The following TRIM23 variants were observed in gnomAD, a reference collection of about 807,000 sequenced individuals.
TRIM23 encodes the protein E3 ubiquitin-protein ligase TRIM23.
In TRIM23, 27 loss-of-function variants were observed where a neutral mutation model predicts 71.0. The observed-to-expected ratio is 0.38, with a 90% confidence interval of 0.28 to 0.52. TRIM23 has a LOEUF of 0.52. Ranked by LOEUF, TRIM23 falls within the 20% of genes least tolerant of loss-of-function variation. TRIM23 has a pLI of 0.84. For synonymous variants in TRIM23, 234 were observed against 238.0 expected (o/e 0.98, Z 0.16); for missense variants, 482 against 692.3 (o/e 0.70, Z 3.41).
chr5:65,604,980 C>T lies in TRIM23; in HGVS notation c.1110G>A (p.Gln370=). The T allele has an allele frequency of 6.2e-7, 1 of 1,613,994 alleles. No homozygotes were observed. Among genetic ancestry groups the T allele is most frequent in the Non-Finnish European group, 8.5e-7 (1 of 1,179,944 alleles). ...CTGCAACTTCTGTAAACTGCTGCTG[C>T]TGTTTCTGCAATGTTTCCAGTAACC... is the stretch of plus-strand genomic sequence containing the variant. The part of the protein sequence containing the change: ...ITRLLETLQK[Q]QQQFTEVADH... Residue 370 remains glutamine, a synonymous_variant, in exon 7 of 11, where the codon CAG becomes CAA. Transcript: ENST00000231524.
At chr5:65,593,736 T>C (rs1754107552) in intron 10 of TRIM23, among the ~76,000 whole-genome samples, 1 of 152,120 alleles carries the variant, frequency 6.6e-6, no homozygotes, top group Non-Finnish European at 1.5e-5. Context: ...TCCTTCATCC[T>C]CCCCATTCAG....
chr5:65,607,755 A>C (rs898579213), intron 6 of TRIM23, among the ~76,000 whole-genome samples: 1 of 152,246 alleles, frequency 6.6e-6, no homozygotes, highest in Non-Finnish European at 1.5e-5. Flanking sequence ...AATACTTTTA[A>C]GTGTTCAAGT....
At chr5:65,596,559 A>G (rs1754211353) in intron 8 of TRIM23, 28 bp from the exon 9 acceptor site, 1 of 1,340,874 alleles carries the variant, frequency 7.5e-7, no homozygotes, top group Non-Finnish European at 1.1e-6. Context: ...TTACTTTTAT[A>G]CTATATTTGT....
chr5:65,613,951 T>C (rs748852788), intron 3 of TRIM23, 147 bp downstream of exon 3: 5 of 1,527,558 alleles, frequency 3.3e-6, no homozygotes, highest in Non-Finnish European at 4.4e-6. Flanking sequence ...GGAATAGTGT[T>C]GGCCTTCAGA....
intron 7 of TRIM23, among the ~76,000 whole-genome samples, chr5:65,601,299 C>T (rs1754358646): frequency 6.6e-6 from 1 of 152,096 alleles, no homozygotes. Context: ...TTGTATTAGT[C>T]CATTTTCATG....
At position 65,594,515 on chromosome 5, in the gene TRIM23, C is replaced by G; in HGVS notation, c.1545+6G>C. 1 of 1,598,346 alleles carries G rather than the reference C, an allele frequency of 6.3e-7. No individual in the cohort carries two copies. The highest frequency in any genetic ancestry group is 8.5e-7 in the Non-Finnish European group (1 of 1,175,886). ...AAATAAATATTCCAATATAAAAATG[C>G]ATTACCTGTTTGTTAGCAAAAATCA... is the stretch of plus-strand genomic sequence containing the variant. On this transcript the variant is annotated splice_donor_region_variant and intron_variant, in intron 10 of 10. Transcript: ENST00000231524.
intron 2 of TRIM23, 56 bp downstream of exon 2, chr5:65,618,037 C>A: frequency 6.8e-7 from 1 of 1,470,690 alleles, no homozygotes; most frequent in Non-Finnish European, 9.1e-7. Flanking sequence ...TTTCCTATGA[C>A]ATTTGCATTA....
rs1312979709 is a variant in TRIM23, at chr5:65,613,650, C to CTG, written c.366+447_366+448insCA. 1.5e-5 allele frequency: 16 copies of CTG among 1,103,128 alleles called. No individual in the cohort carries two copies. The African/African-American group carries it at 2.6e-4, about 18-fold the overall frequency. The allele number at this position is 1,103,128 out of a possible 1,614,324, so 68.3% of individuals were successfully genotyped here. On this transcript the variant is annotated intron_variant, in intron 3 of 10. Coordinates refer to ENST00000231524, the MANE Select transcript of TRIM23 (RefSeq NM_001656.4). ...TACAAAGTTTAACCTTTTCTTGAAG[C>CTG]TATAACAGTAACAATTCCCTCAGAA...
rs1029182879 is a variant in TRIM23, at chr5:65,590,893, G to C, written c.*876C>G. 2.0e-6 allele frequency: 2 copies of C among 985,308 alleles called. No individual in the cohort carries two copies. Among genetic ancestry groups the C allele is most frequent in the Non-Finnish European group, 1.2e-6 (1 of 829,910 alleles). The allele number at this position is 985,308 out of a possible 1,614,324, so 61.0% of individuals were successfully genotyped here. A position where few individuals can be genotyped will look rare whatever the true frequency, so the allele number is the denominator to read the frequency against. On this transcript the variant is annotated 3_prime_UTR_variant, in exon 11 of 11. Coordinates refer to ENST00000231524, the MANE Select transcript of TRIM23 (RefSeq NM_001656.4). Reference sequence around the variant, plus strand: ...TTTAAATAAAGCCAACCCTGGTTCTGCGTTACTTACTACATTTTACCTATA... The same window carrying C: ...TTTAAATAAAGCCAACCCTGGTTCTCCGTTACTTACTACATTTTACCTATA...
intron 2 of TRIM23, among the ~76,000 whole-genome samples, chr5:65,614,676 A>C (rs1443196146): frequency 6.6e-6 from 1 of 151,428 alleles, no homozygotes. Context: ...TGGAGGTTGC[A>C]GTGAGCCAAG....
At chr5:65,605,731 T>C (rs1581182263) in intron 6 of TRIM23, among the ~76,000 whole-genome samples, 1 of 152,168 alleles carries the variant, frequency 6.6e-6, no homozygotes. Flanking sequence ...TATACCAACA[T>C]AGTCTTTATA....
intron 6 of TRIM23, chr5:65,606,885 G>A (rs1754521846): frequency 6.6e-6 from 1 of 152,150 alleles, no homozygotes; most frequent in African/African-American, 2.4e-5. Flanking sequence ...CTTAGATATG[G>A]TTATGGTTTA....
chr5:65,605,992 G>C (rs1181979866), intron 6 of TRIM23, among the ~76,000 whole-genome samples: 1 of 152,116 alleles, frequency 6.6e-6, no homozygotes, highest in East Asian at 1.9e-4. Flanking sequence ...CTCTCACCTG[G>C]AATTCTACAA....
rs1754454742 is a variant in TRIM23, at chr5:65,604,814, G to T, written c.1179+97C>A. 7.4e-6 allele frequency: 9 copies of T among 1,224,206 alleles called. 1 individual carries two copies. The South Asian group carries it at 1.8e-4, about 25-fold the overall frequency. The allele number at this position is 1,224,206 out of a possible 1,614,324, so 75.8% of individuals were successfully genotyped here. ...TTTTCTTAAAAAGCCCCTAATTCAT[G>T]AATTTCATGGTTGTCTCTTTAAGGT... On this transcript the variant is annotated intron_variant, in intron 7 of 10. Transcript: ENST00000231524.
At chr5:65,606,064 A>G (rs1386586524) in intron 6 of TRIM23, among the ~76,000 whole-genome samples, 1 of 152,190 alleles carries the variant, frequency 6.6e-6, no homozygotes, top group Non-Finnish European at 1.5e-5. Flanking sequence ...TATTTTAGAC[A>G]CATAGGCCAG....
intron 6 of TRIM23, 150 bp from the exon 7 acceptor site, chr5:65,605,195 T>C (rs963488643): frequency 1.8e-5 from 13 of 723,216 alleles, no homozygotes; most frequent in Non-Finnish European, 2.6e-5. Context: ...TGAGCATTAA[T>C]AAATAATTTA....
At position 65,591,645 on chromosome 5, in the gene TRIM23, T is replaced by TTATA. The variant is rs10644434; in HGVS notation, c.*120_*123dup. The stretch of plus-strand genomic sequence containing the variant: ...ACTGAATTCCCAATCCAAGATTCCT[T>TTATA]TATATATATATATATATATATGCAT... On this transcript the variant is annotated 3_prime_UTR_variant, in exon 11 of 11. Coordinates refer to ENST00000231524, the MANE Select transcript of TRIM23 (RefSeq NM_001656.4). The TTATA allele has an allele frequency of 0.2, 137,736 of 703,336 alleles. 6,568 individuals carry two copies. Among genetic ancestry groups the TTATA allele is most frequent in the Non-Finnish European group, 0.21 (108,132 of 523,552 alleles). 43.6% of individuals were successfully genotyped at this position (703,336 alleles called of 1,614,324 possible).
At chr5:65,621,158 C>T (rs1183729175) in intron 1 of TRIM23, among the ~76,000 whole-genome samples, 1 of 152,172 alleles carries the variant, frequency 6.6e-6, no homozygotes, top group African/African-American at 2.4e-5. Context: ...TGAGACCATC[C>T]TGGCTAACGT....
chr5:65,614,202 C>T lies in TRIM23; in HGVS notation c.262G>A (p.Gly88Arg), dbSNP rs1377116890. 2.5e-6 allele frequency: 4 copies of T among 1,613,334 alleles called. No individual in the cohort carries two copies. Among genetic ancestry groups the T allele is most frequent in the Admixed American group, 3.3e-5 (2 of 60,006 alleles). Residue 88 changes from glycine to arginine, a missense_variant, in exon 3 of 11, where the codon GGA (glycine) becomes AGA (arginine). Physicochemically the swap from Gly to Arg is moderately radical, Grantham distance 125 (BLOSUM62 -2). This residue lies in a region of TRIM23 where 175 missense variants were observed against 196.5 expected (regional missense o/e 0.89). Transcript: ENST00000231524. ...VTDLGDSGVWGLKKNFALLEL... is the reference protein window; with the variant it reads ...VTDLGDSGVWRLKKNFALLEL... ...AATAAAGCAAAATTTTTTTTCAATC[C>T]CCAGACACCTGAATCACCTAGAATA...
Sources: allele counts gnomAD v4.1 joint callset (sites outside exome capture counted in the v4.1 genomes callset), GRCh38; gene constraint gnomAD v4.1.1; regional missense constraint gnomAD v4.1.1; transcripts MANE v1.5; gene names NCBI Gene and HGNC (gene_info 2026-07-23, HGNC 2026-07-21).